ALG9: variants seen among roughly 807,000 people sequenced by gnomAD.
ALG9 encodes ALG9 alpha-1,2-mannosyltransferase.
ALG9 carries 55 observed loss-of-function variants against 81.8 expected under a neutral mutation model. That is an observed-to-expected ratio of 0.67 (90% CI 0.54 to 0.84). The LOEUF is 0.84. Among genes scored for constraint, ALG9 ranks in the 40% least tolerant of loss-of-function variants. The pLI, the probability that ALG9 is intolerant of heterozygous loss-of-function variation, is 0.00. For missense variants in ALG9, 629 were observed against 745.0 expected, an observed-to-expected ratio of 0.84 and a Z score of 1.81; for synonymous variants, 278 against 274.3, an observed-to-expected ratio of 1.01 and a Z score of -0.13.
At chr11:111,794,431 T>A (rs1947925283) in intron 14 of ALG9, among the ~76,000 whole-genome samples, 1 of 152,122 alleles carries the variant, frequency 6.6e-6, no homozygotes, top group Non-Finnish European at 1.5e-5. Flanking sequence ...TACAGGTATG[T>A]GCCACCACAC....
chr11:111,804,739 T>C (rs1949673554), intron 14 of ALG9, among the ~76,000 whole-genome samples: 1 of 152,150 alleles, frequency 6.6e-6, no homozygotes, highest in Non-Finnish European at 1.5e-5. Context: ...GAAATGTAAA[T>C]TAAAACAACG....
intron 8 of ALG9, among the ~76,000 whole-genome samples, chr11:111,848,602 A>G (rs1462909616): frequency 1.3e-5 from 2 of 151,904 alleles, no homozygotes; most frequent in Non-Finnish European, 2.9e-5. Flanking sequence ...AAAAAAAAAA[A>G]AAAAAAGAAA....
At position 111,809,675 on chromosome 11, in the gene ALG9, G is replaced by A; in HGVS notation, c.1701C>T (p.Ser567=). The change falls in exon 14 of 15, where the codon AGC becomes AGT. Residue 567 remains serine (S), a synonymous_variant. Transcript: ENST00000616540. ...CATCAAGGAATGGTCTATAGGCCAA[G>A]CTGATCCATTCTTCTTTATTGGATG... ...KYSSNKEEWI[S]LAYRPFLDAS... 1 of 1,614,148 alleles carries A rather than the reference G, an allele frequency of 6.2e-7. No homozygotes were observed. Among genetic ancestry groups the A allele is most frequent in the Non-Finnish European group, 8.5e-7 (1 of 1,179,986 alleles).
rs1946144942 is a variant in ALG9 at position 111,783,542 on chromosome 11, C to A, written c.*2855G>T. On this transcript the variant is annotated 3_prime_UTR_variant, in exon 15 of 15. Coordinates refer to ENST00000616540, the MANE Select transcript of ALG9 (RefSeq NM_024740.2). ...AAATAAGTATCTTGCATGCTTCCTCCTTTTGGCAAGCAGAACAGTCAGTGC... is the reference window on the plus strand; with the variant it reads ...AAATAAGTATCTTGCATGCTTCCTCATTTTGGCAAGCAGAACAGTCAGTGC... 6.6e-6 allele frequency: 1 copy of A among 152,122 alleles called. No homozygotes were observed. The highest frequency in any genetic ancestry group is 6.6e-5 in the Admixed American group (1 of 15,266). The allele number at this position is 152,122 out of a possible 1,614,324, so 9.4% of individuals were successfully genotyped here.
intron 13 of ALG9, among the ~76,000 whole-genome samples, chr11:111,813,438 C>T (rs139111748): frequency 3.8e-4 from 57 of 152,000 alleles, no homozygotes; most frequent in African/African-American, 1.3e-3. Context: ...CCCATCTCTA[C>T]AAAAAATAAA....
chr11:111,842,019 C>T (rs1555124457), intron 9 of ALG9, among the ~76,000 whole-genome samples: 4 of 152,140 alleles, frequency 2.6e-5, no homozygotes, highest in Admixed American at 2.6e-4. Context: ...GCCTCAGCCT[C>T]CTTAGTAGCT....
At chr11:111,798,185 A>G in intron 14 of ALG9, 1 of 317,610 alleles carries the variant, frequency 3.1e-6, no homozygotes, top group Non-Finnish European at 6.2e-6. Context: ...CCTGGGCAAC[A>G]GAGCGAGACC....
rs1566315109 is a variant in ALG9, at chr11:111,870,386, A to AAC, written c.132-17_132-16insGT. 1.7e-6 allele frequency: 2 copies of AAC among 1,167,094 alleles called. No homozygotes were observed. The highest frequency in any genetic ancestry group is 2.3e-6 in the Non-Finnish European group (2 of 874,888). 72.3% of individuals were successfully genotyped at this position (1,167,094 alleles called of 1,614,324 possible). On this transcript the variant is annotated splice_polypyrimidine_tract_variant and intron_variant, in intron 1 of 14. Transcript: ENST00000616540. ...CCCAGATAACCTGTTCAAAAGCAAAAAAAAAAAAAAAAAAAAAAGCATGTC... is the reference window on the plus strand; with the variant it reads ...CCCAGATAACCTGTTCAAAAGCAAAAACAAAAAAAAAAAAAAAAAAGCATGTC...
At chr11:111,842,219 A>C (rs116974815) in intron 9 of ALG9, among the ~76,000 whole-genome samples, 5,390 of 151,862 alleles carry the variant, frequency 0.035, 135 homozygotes, top group Non-Finnish European at 0.057. Context: ...TTTTAATTAG[A>C]AGAAAATAAA....
chr11:111,845,742 T>C (rs1956856888), intron 8 of ALG9, among the ~76,000 whole-genome samples: 1 of 152,182 alleles, frequency 6.6e-6, no homozygotes, highest in Non-Finnish European at 1.5e-5. Flanking sequence ...CCTTGCACCA[T>C]AGCAATTTCC....
chr11:111,857,521 G>A (rs1370296787), intron 6 of ALG9, 81 bp downstream of exon 6: 2 of 1,582,252 alleles, frequency 1.3e-6, no homozygotes, highest in Non-Finnish European at 1.7e-6. Flanking sequence ...CAGATTCTAT[G>A]CAGACAATAT....
At chr11:111,839,005 C>A (rs1335334105) in intron 10 of ALG9, among the ~76,000 whole-genome samples, 1 of 152,100 alleles carries the variant, frequency 6.6e-6, no homozygotes, top group African/African-American at 2.4e-5. Context: ...AAGCAATTTT[C>A]CAATATATAA....
intron 14 of ALG9, among the ~76,000 whole-genome samples, chr11:111,793,871 G>A (rs868966584): frequency 6.6e-6 from 1 of 152,026 alleles, no homozygotes. Flanking sequence ...CAACACTAAT[G>A]CCTATCAAAA....
At chr11:111,844,380 A>G (rs879981846) in intron 9 of ALG9, among the ~76,000 whole-genome samples, 1 of 152,176 alleles carries the variant, frequency 6.6e-6, no homozygotes, top group South Asian at 2.1e-4. Flanking sequence ...ACTTAAAGCA[A>G]TAATAAAGCT....
chr11:111,821,192 TA>T (rs1952304801), intron 13 of ALG9, among the ~76,000 whole-genome samples: 1 of 152,356 alleles, frequency 6.6e-6, no homozygotes, highest in African/African-American at 2.4e-5. Flanking sequence ...TATAAGGTCC[TA>T]CTTTCATGCT....
intron 13 of ALG9, among the ~76,000 whole-genome samples, chr11:111,821,088 C>T (rs1205737905): frequency 1.3e-5 from 2 of 152,086 alleles, no homozygotes; most frequent in African/African-American, 4.8e-5. Context: ...AGTGCGAGAC[C>T]TTGTCTCTAA....
intron 1 of ALG9, 155 bp downstream of exon 1, chr11:111,871,197 G>C (rs1372076773): frequency 1.5e-6 from 2 of 1,302,844 alleles, no homozygotes; most frequent in African/African-American, 3.1e-5. Flanking sequence ...GACCCGCCCA[G>C]GAAGACCAAT....
At chr11:111,840,504 A>G in intron 10 of ALG9, 151 bp downstream of exon 10, 1 of 884,570 alleles carries the variant, frequency 1.1e-6, no homozygotes, top group Non-Finnish European at 1.8e-6. Context: ...CAATCAATAT[A>G]AGAAGGTTTA....
intron 14 of ALG9, among the ~76,000 whole-genome samples, chr11:111,804,702 T>C (rs1019776619): frequency 1.3e-5 from 2 of 152,190 alleles, no homozygotes; most frequent in South Asian, 4.1e-4. Flanking sequence ...AATGAGCATA[T>C]GAAAAGATGC....
Sources: gnomAD v4.1 joint callset for allele counts (sites outside exome capture counted in the v4.1 genomes callset) on GRCh38, gnomAD v4.1.1 for gene constraint, MANE v1.5 for transcripts, NCBI Gene and HGNC (gene_info 2026-07-23, HGNC 2026-07-21) for gene names.